CREBBP: variants seen among roughly 807,000 people sequenced by gnomAD.
CREBBP encodes the protein CREB binding lysine acetyltransferase.
A neutral mutation model predicts 265.0 loss-of-function variants in CREBBP; 19 were observed. That is an observed-to-expected ratio of 0.07 (90% CI 0.05 to 0.11). CREBBP has a LOEUF of 0.11. Ranked by LOEUF, CREBBP falls within the 10% of genes least tolerant of loss-of-function variation. The pLI, the probability that CREBBP is intolerant of heterozygous loss-of-function variation, is 1.00. For missense variants in CREBBP, 2,525 were observed against 3,219.0 expected (o/e 0.78, Z 5.22); for synonymous variants, 1,457 against 1,223.7 (o/e 1.19, Z -3.98).
At chr16:3,877,704 A>G (rs1042567438) in intron 1 of CREBBP, among the ~76,000 whole-genome samples, 9 of 152,232 alleles carry the variant, frequency 5.9e-5, no homozygotes, top group African/African-American at 2.2e-4. Flanking sequence ...GGCGCCCAGC[A>G]GCCCCTTGTT....
chr16:3,858,648 C>T (rs2055011564), intron 1 of CREBBP, among the ~76,000 whole-genome samples: 1 of 152,202 alleles, frequency 6.6e-6, no homozygotes. Context: ...TATCAACAAG[C>T]TGCTTGTCTA....
rs2141192763 is a variant in CREBBP at position 3,769,341 on chromosome 16, C to T, written c.2893G>A (p.Ala965Thr). 6.2e-7 allele frequency: 1 copy of T among 1,614,192 alleles called. No homozygotes were observed. Among genetic ancestry groups the T allele is most frequent in the African/African-American group, 1.3e-5 (1 of 75,050 alleles). ...GGGACTCTGTTATCAATGCTGGCTG[C>T]TGCCTGGGAAAGCTGTGAAAAAACC... ...QPPGTPLSQA[A>T]ASIDNRVPTP... The change falls in exon 15 of 31, where the codon GCA becomes ACA. Residue 965 changes from alanine (A) to threonine (T), a missense_variant. By Grantham distance (58) the Ala-to-Thr change is moderately conservative (BLOSUM62 0). Transcript: ENST00000262367.
rs531858514 is a variant in CREBBP, at chr16:3,811,940, T to C, written c.799-1161A>G. On this transcript the variant is annotated intron_variant, in intron 2 of 30. Coordinates refer to ENST00000262367, the MANE Select transcript of CREBBP (RefSeq NM_004380.3). ...CTGATCAACAGCAGGGGATTAGTAGTAGTTAAACTTTTATGGAGTCAAAAG... is the reference window on the plus strand; with the variant it reads ...CTGATCAACAGCAGGGGATTAGTAGCAGTTAAACTTTTATGGAGTCAAAAG... Among the ~76,000 whole-genome samples, 9 of 152,172 alleles carry C rather than the reference T, an allele frequency of 5.9e-5. 1 individual carries two copies. In the South Asian group the frequency reaches 1.9e-3, roughly 32 times the overall value.
intron 2 of CREBBP, among the ~76,000 whole-genome samples, chr16:3,814,747 G>C (rs909206474): frequency 7.0e-6 from 1 of 142,856 alleles, no homozygotes; most frequent in Non-Finnish European, 1.6e-5. Flanking sequence ...GGTATGTAAG[G>C]AACGTCCAGC....
intron 1 of CREBBP, among the ~76,000 whole-genome samples, chr16:3,871,636 T>C (rs1158419564): frequency 6.6e-6 from 1 of 152,232 alleles, no homozygotes; most frequent in Non-Finnish European, 1.5e-5. Context: ...TGACTTATTT[T>C]TCTATTTCAC....
chr16:3,801,791 T>C (rs747075086), intron 3 of CREBBP, among the ~76,000 whole-genome samples: 3 of 152,200 alleles, frequency 2.0e-5, no homozygotes, highest in Non-Finnish European at 1.5e-5. Flanking sequence ...AGCCTTAAAA[T>C]ATATGCAATA....
intron 2 of CREBBP, among the ~76,000 whole-genome samples, chr16:3,826,299 A>G (rs1425692854): frequency 6.6e-6 from 1 of 152,232 alleles, no homozygotes; most frequent in Non-Finnish European, 1.5e-5. Flanking sequence ...GTAAAAAACT[A>G]TGAAGAGACA....
intron 5 of CREBBP, among the ~76,000 whole-genome samples, chr16:3,789,102 G>A (rs1365593987): frequency 6.6e-6 from 1 of 152,194 alleles, no homozygotes; most frequent in African/African-American, 2.4e-5. Context: ...TTAAGAGAGT[G>A]GAGCATGTGC....
At chr16:3,833,503 G>C (rs932964368) in intron 2 of CREBBP, among the ~76,000 whole-genome samples, 9 of 152,082 alleles carry the variant, frequency 5.9e-5, no homozygotes, top group African/African-American at 2.2e-4. Context: ...GCATACAGAT[G>C]AAAAAGGAAG....
chr16:3,854,144 G>C (rs919530335), intron 1 of CREBBP, among the ~76,000 whole-genome samples: 1 of 152,180 alleles, frequency 6.6e-6, no homozygotes, highest in African/African-American at 2.4e-5. Flanking sequence ...ACAGGAGGGA[G>C]AGTAACCAGA....
chr16:3,819,273 C>T (rs1407305423), intron 2 of CREBBP, among the ~76,000 whole-genome samples: 11 of 152,242 alleles, frequency 7.2e-5, no homozygotes, highest in Non-Finnish European at 1.6e-4. Context: ...AACCTCTCTG[C>T]ACCTTGGTTT....
At chr16:3,739,555 C>G in intron 25 of CREBBP, 23 bp downstream of exon 25, 1 of 1,614,108 alleles carries the variant, frequency 6.2e-7, no homozygotes, top group Non-Finnish European at 8.5e-7. Context: ...AATGACACGC[C>G]CTGGAAGGAG....
At chr16:3,735,970 C>A in intron 28 of CREBBP, 66 bp downstream of exon 28, 1 of 1,613,710 alleles carries the variant, frequency 6.2e-7, no homozygotes, top group South Asian at 1.1e-5. Flanking sequence ...ACACGCGCCT[C>A]CCAGCCTGCC....
chr16:3,862,840 AG>A (rs2055104974), intron 1 of CREBBP, among the ~76,000 whole-genome samples: 1 of 152,098 alleles, frequency 6.6e-6, no homozygotes, highest in African/African-American at 2.4e-5. Flanking sequence ...GTCTTTTCTC[AG>A]TGTCCTTTCC....
At chr16:3,849,431 GT>G (rs1411210832) in intron 2 of CREBBP, among the ~76,000 whole-genome samples, 660 of 14,308 alleles carry the variant, frequency 0.046, 3 homozygotes, top group East Asian at 0.15. Context: ...GTGTGTGTGT[GT>G]GTGTGTGTGT....
At chr16:3,867,486 C>T (rs1311757818) in intron 1 of CREBBP, among the ~76,000 whole-genome samples, 1 of 151,628 alleles carries the variant, frequency 6.6e-6, no homozygotes. Context: ...AGCAAGACTC[C>T]GTCTCAAACA....
intron 13 of CREBBP, 198 bp downstream of exon 13, chr16:3,773,553 C>T (rs2053064715): frequency 3.2e-6 from 2 of 626,284 alleles, no homozygotes; most frequent in East Asian, 2.8e-5. Flanking sequence ...ATAGTTAACC[C>T]AGAAAGGATA....
intron 8 of CREBBP, 40 bp from the exon 9 acceptor site, chr16:3,778,857 CTTCTTTTTTTTA>C: frequency 6.5e-7 from 1 of 1,548,000 alleles, no homozygotes. Flanking sequence ...TTTTTTTTTT[CTTCTTTTTTTTA>C]AAGACATGGG....
At chr16:3,849,453 G>GACC (rs1567360806) in intron 2 of CREBBP, among the ~76,000 whole-genome samples, 1 of 71,730 alleles carries the variant, frequency 1.4e-5, no homozygotes, top group African/African-American at 4.1e-5. Context: ...GTGTGTGTGT[G>GACC]TGTGTGTGTG....
Sources: allele counts gnomAD v4.1 joint callset (sites outside exome capture counted in the v4.1 genomes callset), GRCh38; gene constraint gnomAD v4.1.1; transcripts MANE v1.5; gene names NCBI Gene and HGNC (gene_info 2026-07-23, HGNC 2026-07-21).